Variants in WDR33 observed in about 807,000 individuals in gnomAD.
WDR33 encodes the protein pre-mRNA 3' end processing protein WDR33.
A neutral mutation model predicts 164.9 loss-of-function variants in WDR33; 47 were observed. That is an observed-to-expected ratio of 0.29 (90% CI 0.23 to 0.36). The LOEUF (loss-of-function observed/expected upper bound fraction) is 0.36, where lower values mean the gene tolerates loss of function less well. Among genes scored for constraint, WDR33 ranks in the 10% least tolerant of loss-of-function variants. WDR33 has a pLI of 1.00. For synonymous variants in WDR33, 505 were observed against 589.0 expected (o/e 0.86, Z 2.06); for missense variants, 1,137 against 1,754.1 (o/e 0.65, Z 6.28).
In WDR33 at chr2:127,809,031, C is replaced by CAAA. The variant is rs11305287; in HGVS notation, c.-24+1978_-24+1980dup. 1.8e-3 allele frequency among the ~76,000 whole-genome samples: 153 copies of CAAA among 84,876 alleles called. 1 individual carries two copies. The highest frequency in any genetic ancestry group is 5.3e-3 in the African/African-American group (114 of 21,528). The allele number at this position is 84,876 out of a possible 152,430, so 55.7% of individuals were successfully genotyped here. On this transcript the variant is annotated intron_variant, in intron 1 of 21. Transcript: ENST00000322313. Reference sequence around the variant, plus strand: ...GGGCGACAGAGCGAAACTCTTGTCTCAAAAAAAAAAAAAAAAAAAAAAGAA... The same window carrying CAAA: ...GGGCGACAGAGCGAAACTCTTGTCTCAAAAAAAAAAAAAAAAAAAAAAAAAGAA...
At position 127,702,876 on chromosome 2, in the gene WDR33, G is replaced by A. The variant is rs1424613760; in HGVS notation, c.*3447C>T. 3.6e-5 allele frequency: 6 copies of A among 166,754 alleles called. No homozygotes were observed. Among genetic ancestry groups the A allele is most frequent in the Non-Finnish European group, 8.8e-5 (6 of 68,118 alleles). 10.3% of individuals were successfully genotyped at this position (166,754 alleles called of 1,614,324 possible). A position where few individuals can be genotyped will look rare whatever the true frequency, so the allele number is the denominator to read the frequency against. ...AGGAAGGGGCGCGTAGATGCTTAACGGTCTCTTCGGAAATCCTGCAAATAG... is the reference window on the plus strand; with the variant it reads ...AGGAAGGGGCGCGTAGATGCTTAACAGTCTCTTCGGAAATCCTGCAAATAG... On this transcript the variant is annotated 3_prime_UTR_variant, in exon 22 of 22. Coordinates refer to ENST00000322313, the MANE Select transcript of WDR33 (RefSeq NM_018383.5).
At chr2:127,809,947 C>G (rs1573497808) in intron 1 of WDR33, among the ~76,000 whole-genome samples, 1 of 151,942 alleles carries the variant, frequency 6.6e-6, no homozygotes, top group East Asian at 1.9e-4. Flanking sequence ...GCAATTAAGG[C>G]GAGGAAATGA....
intron 7 of WDR33, among the ~76,000 whole-genome samples, chr2:127,749,031 T>A (rs755835718): frequency 6.6e-6 from 1 of 152,152 alleles, no homozygotes; most frequent in South Asian, 2.1e-4. Flanking sequence ...ATTAATCATA[T>A]CTACAAGTAC....
intron 7 of WDR33, among the ~76,000 whole-genome samples, chr2:127,727,547 G>C (rs1382513422): frequency 6.6e-6 from 1 of 151,954 alleles, no homozygotes; most frequent in Non-Finnish European, 1.5e-5. Flanking sequence ...AAGAACAGGA[G>C]AGAGTCCCTG....
At chr2:127,734,719 T>G (rs1193876189) in intron 7 of WDR33, among the ~76,000 whole-genome samples, 1 of 152,198 alleles carries the variant, frequency 6.6e-6, no homozygotes, top group Admixed American at 6.5e-5. Context: ...GGTTACATAG[T>G]GCTAGAACAA....
At chr2:127,755,322 G>C (rs967020194) in intron 7 of WDR33, among the ~76,000 whole-genome samples, 3 of 152,100 alleles carry the variant, frequency 2.0e-5, no homozygotes, top group African/African-American at 7.2e-5. Context: ...GCCAAGTAAA[G>C]AATCTTACAG....
rs148023455 is a variant in WDR33, at chr2:127,741,570, G to A, written c.725-14793C>T. Among the ~76,000 whole-genome samples, 1 of 152,246 alleles carries A rather than the reference G, an allele frequency of 6.6e-6. No homozygotes were observed. Among genetic ancestry groups the A allele is most frequent in the African/African-American group, 2.4e-5 (1 of 41,532 alleles). Reference sequence around the variant, plus strand: ...TTCCATCCAGGAGAGGACCCTTGTAGGTAAGCGAACTTAACTGCAAAAAAA... The same window carrying A: ...TTCCATCCAGGAGAGGACCCTTGTAAGTAAGCGAACTTAACTGCAAAAAAA... On this transcript the variant is annotated intron_variant, in intron 7 of 21. Transcript: ENST00000322313. The surrounding 1 kb of genome is among the most constrained non-coding windows in gnomAD (Gnocchi z 4.1).
At position 127,770,964 on chromosome 2, in the gene WDR33, A is replaced by G. The variant is rs543154934; in HGVS notation, c.18T>C (p.Gly6=). The G allele has an allele frequency of 6.8e-6, 11 of 1,613,938 alleles. No homozygotes were observed. In the Admixed American group the frequency reaches 1.7e-4, roughly 24 times the overall value. MATEI[G]SPPRFFHMPR... ...GCATATGGAAAAAACGAGGAGGAGA[A>G]CCAATTTCTGTAGCCATGGTGATGT... The change falls in exon 2 of 22, where the codon GGT becomes GGC. Residue 6 remains glycine (G), a synonymous_variant. Transcript: ENST00000322313. This position sits in a 1 kb window ranked among gnomAD's most constrained non-coding sequence, Gnocchi z 4.9.
Position 127,719,308 on chromosome 2 carries a change from T to C in WDR33, c.2717A>G (p.Lys906Arg). Residue 906 changes from lysine (K) to arginine (R), a missense_variant, in exon 16 of 22, where the codon AAA (lysine) becomes AGA (arginine). Lys to Arg is a conservative substitution (Grantham distance 26). Around this residue, in one of 9 missense-constraint regions of WDR33, gnomAD observed 867 missense variants for 1,073.0 expected, o/e 0.81. Coordinates refer to ENST00000322313, the MANE Select transcript of WDR33 (RefSeq NM_018383.5). The surrounding 1 kb of genome is among the most constrained non-coding windows in gnomAD (Gnocchi z 6.5). ...GGGCCCATCACCTAGCAGAGGCGTT[T>C]TCTGTTGCTGGAATGGTATTGGCCC... Reference protein sequence around the residue: ...SQGPIPFQQQKTPLLGDGPRA... With the variant: ...SQGPIPFQQQRTPLLGDGPRA... 1.4e-6 allele frequency: 2 copies of C among 1,459,084 alleles called. No individual in the cohort carries two copies. Among genetic ancestry groups the C allele is most frequent in the South Asian group, 3.2e-5 (2 of 62,448 alleles). The allele number at this position is 1,459,084 out of a possible 1,614,324, so 90.4% of individuals were successfully genotyped here.
At chr2:127,727,113 C>T (rs139009409) in intron 7 of WDR33, among the ~76,000 whole-genome samples, 1 of 152,114 alleles carries the variant, frequency 6.6e-6, no homozygotes, top group Non-Finnish European at 1.5e-5. Context: ...TCCCGATTAC[C>T]CTGATTATAG....
chr2:127,795,102 C>CTTTTTTTTT lies in WDR33; in HGVS notation c.-24+15901_-24+15909dup, dbSNP rs552910693. On this transcript the variant is annotated intron_variant, in intron 1 of 21. Transcript: ENST00000322313. ...AGTAAGTTATGAAGCAATAACTTCT[C>CTTTTTTTTT]TTTTTTTTTTTTTTTTGAGAGGGAG... Among the ~76,000 whole-genome samples the CTTTTTTTTT allele has an allele frequency of 5.6e-4, 73 of 131,126 alleles. 2 individuals are homozygous for CTTTTTTTTT. The highest frequency in any genetic ancestry group is 4.4e-3 in the Middle Eastern group (1 of 228). 86.0% of individuals were successfully genotyped at this position (131,126 alleles called of 152,430 possible).
In WDR33 at chr2:127,720,390, C is replaced by T; in HGVS notation, c.1672-37G>A. On this transcript the variant is annotated intron_variant, in intron 15 of 21. Coordinates refer to ENST00000322313, the MANE Select transcript of WDR33 (RefSeq NM_018383.5). This position sits in a 1 kb window ranked among gnomAD's most constrained non-coding sequence, Gnocchi z 5.9. ...GAAAGAAAAAAGCATGTTGAATAAA[C>T]AGGCCAGAGCCCTTGAAGATGACAA... is the stretch of plus-strand genomic sequence containing the variant. The T allele has an allele frequency of 6.7e-7, 1 of 1,497,006 alleles. No individual in the cohort carries two copies. Among genetic ancestry groups the T allele is most frequent in the African/African-American group, 1.4e-5 (1 of 71,510 alleles). The allele number at this position is 1,497,006 out of a possible 1,614,324, so 92.7% of individuals were successfully genotyped here.
chr2:127,758,593 A>C (rs1018782954), intron 7 of WDR33, among the ~76,000 whole-genome samples: 1 of 152,234 alleles, frequency 6.6e-6, no homozygotes, highest in Non-Finnish European at 1.5e-5. Context: ...AAATTAAAGC[A>C]CGCTGAAACT....
In WDR33 at chr2:127,764,872, G is replaced by A. The variant is rs769170969; in HGVS notation, c.582C>T (p.Asn194=). 1.5e-4 allele frequency: 237 copies of A among 1,614,014 alleles called. No individual in the cohort carries two copies. Among genetic ancestry groups the A allele is most frequent in the Non-Finnish European group, 1.9e-4 (226 of 1,180,038 alleles). ...YVKYWQSNMN[N]VKMFQAHKEA... is the part of the protein sequence containing the mutation. ...CCTTATGTGCCTGGAACATCTTGACGTTGTTCATGTTCGACTGCCAATATT... is the reference window on the plus strand; with the variant it reads ...CCTTATGTGCCTGGAACATCTTGACATTGTTCATGTTCGACTGCCAATATT... Residue 194 remains asparagine, a synonymous_variant, in exon 6 of 22, where the codon AAC becomes AAT. Transcript: ENST00000322313. This position sits in a 1 kb window ranked among gnomAD's most constrained non-coding sequence, Gnocchi z 6.2.
At chr2:127,733,733 C>T (rs1392297114) in intron 7 of WDR33, among the ~76,000 whole-genome samples, 1 of 152,096 alleles carries the variant, frequency 6.6e-6, no homozygotes, top group African/African-American at 2.4e-5. Context: ...ACAAAAAAAC[C>T]CTATTGGACA....
Position 127,735,924 on chromosome 2 carries a change from A to G in WDR33, c.725-9147T>C. 2 of 985,476 alleles carry G rather than the reference A, an allele frequency of 2.0e-6. No individual in the cohort carries two copies. The highest frequency in any genetic ancestry group is 2.4e-6 in the Non-Finnish European group (2 of 829,942). 61.0% of individuals were successfully genotyped at this position (985,476 alleles called of 1,614,324 possible). Reference sequence around the variant, plus strand: ...TAGAAAGTTACATCAGTGAAAAACTATAGAATTAAATGGAAAGTTAATTCT... The same window carrying G: ...TAGAAAGTTACATCAGTGAAAAACTGTAGAATTAAATGGAAAGTTAATTCT... On this transcript the variant is annotated intron_variant, in intron 7 of 21. Transcript: ENST00000322313. This position sits in a 1 kb window ranked among gnomAD's most constrained non-coding sequence, Gnocchi z 4.3.
At chr2:127,767,447 C>T (rs563189563) in intron 4 of WDR33, among the ~76,000 whole-genome samples, 1 of 152,290 alleles carries the variant, frequency 6.6e-6, no homozygotes, top group Non-Finnish European at 1.5e-5. Context: ...GGCACGGTGG[C>T]TCATGCCTGT....
At chr2:127,781,999 T>TA (rs764718254) in intron 1 of WDR33, among the ~76,000 whole-genome samples, 15,070 of 90,022 alleles carry the variant, frequency 0.17, 1,097 homozygotes, top group Middle Eastern at 0.27. Flanking sequence ...ACTCTTTTTC[T>TA]AAAAAAAAAA....
Position 127,708,473 on chromosome 2 carries a change from G to C in WDR33, c.3781+204C>G, listed in dbSNP as rs1380723159. Among the ~76,000 whole-genome samples the C allele has an allele frequency of 6.6e-6, 1 of 152,262 alleles. No individual in the cohort carries two copies. The highest frequency in any genetic ancestry group is 1.5e-5 in the Non-Finnish European group (1 of 68,038). On this transcript the variant is annotated intron_variant, in intron 21 of 21. Transcript: ENST00000322313. This position sits in a 1 kb window ranked among gnomAD's most constrained non-coding sequence, Gnocchi z 6.7. ...GAGGGCTGAAGTGAAAACCTCAAGT[G>C]AACAGGGATTCCCGGAGGCAAGTGG...
Sources: gnomAD v4.1 joint callset for allele counts (sites outside exome capture counted in the v4.1 genomes callset) on GRCh38, gnomAD v4.1.1 for gene constraint, gnomAD v4.1.1 regional missense constraint, Gnocchi (gnomAD v3.1) non-coding constraint, MANE v1.5 for transcripts, NCBI Gene and HGNC (gene_info 2026-07-23, HGNC 2026-07-21) for gene names.